The following LSAMP variants were observed in gnomAD, a reference collection of about 807,000 sequenced individuals.
LSAMP encodes limbic system associated membrane protein, also known as limbic system-associated membrane protein.
Under a neutral mutation model 38.6 loss-of-function variants are expected in LSAMP, and 7 were observed. The observed-to-expected ratio is 0.18, with a 90% CI of 0.10 to 0.34. The LOEUF (loss-of-function observed/expected upper bound fraction) is 0.34, where lower values mean the gene tolerates loss of function less well. Among genes scored for constraint, LSAMP ranks in the 10% least tolerant of loss-of-function variants. The pLI is 1.00. For synonymous variants in LSAMP, 154 were observed against 166.8 expected, an observed-to-expected ratio of 0.92 and a Z score of 0.59; for missense variants, 313 against 420.0, an observed-to-expected ratio of 0.75 and a Z score of 2.23.
intron 3 of LSAMP, among the ~76,000 whole-genome samples, chr3:115,938,221 G>T (rs1290376571): frequency 1.3e-5 from 2 of 152,100 alleles, no homozygotes; most frequent in African/African-American, 2.4e-5. Flanking sequence ...AGAGAAAAAT[G>T]ACCCAGAACT....
intron 1 of LSAMP, among the ~76,000 whole-genome samples, chr3:116,408,662 G>C (rs1041099971): frequency 6.6e-6 from 1 of 152,004 alleles, no homozygotes; most frequent in African/African-American, 2.4e-5. Context: ...TAACAGGCTC[G>C]GAGAAGCTAG....
chr3:116,241,113 G>A (rs1443941920), intron 1 of LSAMP, among the ~76,000 whole-genome samples: 1 of 151,286 alleles, frequency 6.6e-6, no homozygotes, highest in Admixed American at 6.6e-5. Flanking sequence ...AGAGGCAGAG[G>A]TTTTGGTGAG....
At chr3:115,899,299 G>T (rs1314837087) in intron 3 of LSAMP, among the ~76,000 whole-genome samples, 1 of 152,000 alleles carries the variant, frequency 6.6e-6, no homozygotes, top group Non-Finnish European at 1.5e-5. Context: ...ATTTGCATCA[G>T]ATTTTCTTTA....
At chr3:115,964,016 G>T (rs1232339855) in intron 3 of LSAMP, among the ~76,000 whole-genome samples, 1 of 152,132 alleles carries the variant, frequency 6.6e-6, no homozygotes, top group Non-Finnish European at 1.5e-5. Flanking sequence ...GCCTCCCAAA[G>T]TGCTGTGATT....
chr3:116,076,552 C>T (rs181271066), intron 2 of LSAMP, among the ~76,000 whole-genome samples: 15 of 152,192 alleles, frequency 9.9e-5, no homozygotes, highest in East Asian at 5.8e-4. Context: ...CCACCACACC[C>T]GGCCAATAAT....
At chr3:116,013,286 G>T (rs1480451774) in intron 3 of LSAMP, among the ~76,000 whole-genome samples, 2 of 152,180 alleles carry the variant, frequency 1.3e-5, no homozygotes, top group African/African-American at 2.4e-5. Context: ...GTTACTGTGA[G>T]CATCTCCAGG....
Position 116,069,491 on chromosome 3 carries a change from A to G in LSAMP, c.388+16833T>C, listed in dbSNP as rs547048610. ...AATGACAGAGCTATATGTCATAAAT[A>G]TCTTGTAGGAATGTTTAGGACAGTT... On this transcript the variant is annotated intron_variant, in intron 2 of 6. Coordinates refer to ENST00000490035, the MANE Select transcript of LSAMP (RefSeq NM_002338.5). 3.9e-5 allele frequency among the ~76,000 whole-genome samples: 6 copies of G among 152,294 alleles called. No homozygotes were observed. In the South Asian group the frequency reaches 1.2e-3, roughly 32 times the overall value.
At chr3:116,056,607 C>T (rs4831227) in intron 2 of LSAMP, among the ~76,000 whole-genome samples, 19,741 of 152,108 alleles carry the variant, frequency 0.13, 1,382 homozygotes, top group Non-Finnish European at 0.15. Flanking sequence ...GAGCATAACG[C>T]TTATTTTTAA....
At chr3:116,097,604 A>G (rs1215905006) in intron 1 of LSAMP, among the ~76,000 whole-genome samples, 1 of 152,212 alleles carries the variant, frequency 6.6e-6, no homozygotes, top group Non-Finnish European at 1.5e-5. Context: ...ATGAGTAAAT[A>G]AGTAAGTAAT....
At chr3:115,899,235 G>A (rs1576198247) in intron 3 of LSAMP, among the ~76,000 whole-genome samples, 1 of 151,950 alleles carries the variant, frequency 6.6e-6, no homozygotes, top group Non-Finnish European at 1.5e-5. Flanking sequence ...AGCTTTCTGA[G>A]AAATGCATTT....
chr3:116,029,739 G>A (rs549580128), intron 2 of LSAMP, among the ~76,000 whole-genome samples: 5 of 152,114 alleles, frequency 3.3e-5, no homozygotes, highest in Non-Finnish European at 5.9e-5. Flanking sequence ...AACTGCACAA[G>A]TAACTAAAAG....
chr3:116,397,522 C>T (rs552061430), intron 1 of LSAMP, among the ~76,000 whole-genome samples: 2 of 152,040 alleles, frequency 1.3e-5, no homozygotes, highest in South Asian at 4.2e-4. Context: ...TGTCTATCTC[C>T]CTACACTACA....
intron 1 of LSAMP, among the ~76,000 whole-genome samples, chr3:116,333,520 C>A (rs1228003630): frequency 7.9e-6 from 1 of 125,950 alleles, no homozygotes. Flanking sequence ...GGTGACAGAA[C>A]AAGGTTCCAT....
At chr3:115,962,884 A>C (rs754767414) in intron 3 of LSAMP, among the ~76,000 whole-genome samples, 32 of 152,326 alleles carry the variant, frequency 2.1e-4, no homozygotes, top group Middle Eastern at 3.4e-3. Context: ...AATTAATCAA[A>C]GGAAACAGTA....
chr3:116,174,122 T>G (rs1710277139), intron 1 of LSAMP, among the ~76,000 whole-genome samples: 1 of 152,046 alleles, frequency 6.6e-6, no homozygotes, highest in Non-Finnish European at 1.5e-5. Flanking sequence ...TTTAATATTA[T>G]GACCCAAAAG....
At chr3:116,001,857 T>A (rs891096542) in intron 3 of LSAMP, among the ~76,000 whole-genome samples, 1 of 152,232 alleles carries the variant, frequency 6.6e-6, no homozygotes, top group Non-Finnish European at 1.5e-5. Context: ...TGTTCATCTT[T>A]AGATTTTAAC....
At chr3:115,844,782 G>A (rs1417536934) in intron 4 of LSAMP, among the ~76,000 whole-genome samples, 1 of 152,134 alleles carries the variant, frequency 6.6e-6, no homozygotes, top group African/African-American at 2.4e-5. Flanking sequence ...TTTGAGACCA[G>A]CCTGGCCAAC....
chr3:115,874,250 C>A (rs111449233), intron 3 of LSAMP, among the ~76,000 whole-genome samples: 12 of 152,158 alleles, frequency 7.9e-5, no homozygotes, highest in African/African-American at 2.6e-4. Context: ...TTTCTGGGTT[C>A]CTTCTCCTCA....
At chr3:116,193,809 C>T (rs372587205) in intron 1 of LSAMP, among the ~76,000 whole-genome samples, 1 of 152,124 alleles carries the variant, frequency 6.6e-6, no homozygotes, top group African/African-American at 2.4e-5. Flanking sequence ...ACTACAATGC[C>T]AGGAAAGTTA....
Sources: allele counts gnomAD v4.1 joint callset (sites outside exome capture counted in the v4.1 genomes callset), GRCh38; gene constraint gnomAD v4.1.1; transcripts MANE v1.5; gene names NCBI Gene and HGNC (gene_info 2026-07-23, HGNC 2026-07-21).